HMBOX1: variants seen among roughly 807,000 people sequenced by gnomAD.
HMBOX1 encodes homeobox-containing protein 1.
A neutral mutation model predicts 54.5 loss-of-function variants in HMBOX1; 14 were observed. That is an observed-to-expected ratio of 0.26 (90% CI 0.17 to 0.40). The LOEUF is 0.40. Among genes scored for constraint, HMBOX1 ranks in the 10% least tolerant of loss-of-function variants. The probability of loss-of-function intolerance (pLI) is 1.00; values close to 1 mark genes in which losing one functional copy is unlikely to be tolerated. For synonymous variants in HMBOX1, 160 were observed against 181.0 expected (o/e 0.88, Z 0.93); for missense variants, 332 against 514.4 (o/e 0.65, Z 3.43).
intron 1 of HMBOX1, among the ~76,000 whole-genome samples, chr8:28,963,068 G>A (rs1248844562): frequency 6.6e-6 from 1 of 152,014 alleles, no homozygotes; most frequent in Non-Finnish European, 1.5e-5. Context: ...CACTGCAACC[G>A]CCGCCTCCCA....
chr8:28,982,986 G>A (rs930165116), intron 4 of HMBOX1, among the ~76,000 whole-genome samples: 1 of 152,148 alleles, frequency 6.6e-6, no homozygotes, highest in Non-Finnish European at 1.5e-5. Context: ...TTGATCTCCT[G>A]GGATTACAGG....
chr8:28,896,711 C>CA lies in HMBOX1; in HGVS notation c.-58+6033_-58+6034insA, dbSNP rs1812185387. Among the ~76,000 whole-genome samples the CA allele has an allele frequency of 1.6e-5, 2 of 123,834 alleles. 1 individual carries two copies. Among genetic ancestry groups the CA allele is most frequent in the Non-Finnish European group, 4.0e-5 (2 of 50,084 alleles). The allele number at this position is 123,834 out of a possible 152,430, so 81.2% of individuals were successfully genotyped here. A position where few individuals can be genotyped will look rare whatever the true frequency, so the allele number is the denominator to read the frequency against. Reference sequence around the variant, plus strand: ...CTACAATGTTTAATACAGTAACATGCTGTACAGGTTTGTAGCCTAGGAGCA... The same window carrying CA: ...CTACAATGTTTAATACAGTAACATGCATGTACAGGTTTGTAGCCTAGGAGCA... On this transcript the variant is annotated intron_variant, in intron 1 of 9. Coordinates refer to ENST00000287701, the MANE Select transcript of HMBOX1 (RefSeq NM_001135726.3).
At position 28,973,820 on chromosome 8, in the gene HMBOX1, T is replaced by TTTTTGTTTTTTG. The variant is rs1186803601; in HGVS notation, c.500+3305_500+3306insGTTTTTTGTTTT. ...ATAATGGAGTTTTTTTTTTTTTTTTTTTTTTTTTTTTTTTGAGACAGTCTC... is the reference window on the plus strand; with the variant it reads ...ATAATGGAGTTTTTTTTTTTTTTTTTTTTTGTTTTTTGTTTTTTTTTTTTTTGAGACAGTCTC... On this transcript the variant is annotated intron_variant, in intron 3 of 9. Transcript: ENST00000287701. Among the ~76,000 whole-genome samples, 21 of 132,994 alleles carry TTTTTGTTTTTTG rather than the reference T, an allele frequency of 1.6e-4. 1 individual carries two copies. Among genetic ancestry groups the TTTTTGTTTTTTG allele is most frequent in the African/African-American group, 6.0e-4 (20 of 33,184 alleles). The allele number at this position is 132,994 out of a possible 152,430, so 87.2% of individuals were successfully genotyped here.
intron 3 of HMBOX1, among the ~76,000 whole-genome samples, chr8:28,971,390 C>A (rs1827390692): frequency 6.6e-6 from 1 of 151,980 alleles, no homozygotes; most frequent in African/African-American, 2.4e-5. Context: ...TGCACCCAGC[C>A]GAAAAGAAAT....
At chr8:28,943,966 C>A (rs1331661647) in intron 1 of HMBOX1, among the ~76,000 whole-genome samples, 1 of 152,132 alleles carries the variant, frequency 6.6e-6, no homozygotes, top group Non-Finnish European at 1.5e-5. Context: ...TTGATCCAGC[C>A]CCATAAGCCA....
intron 4 of HMBOX1, among the ~76,000 whole-genome samples, chr8:29,004,590 C>A (rs1201369082): frequency 1.3e-5 from 2 of 152,154 alleles, no homozygotes; most frequent in African/African-American, 2.4e-5. Context: ...CTTTTTCTTC[C>A]TTTGAATACC....
intron 6 of HMBOX1, among the ~76,000 whole-genome samples, chr8:29,023,602 A>G (rs1181805179): frequency 6.6e-6 from 1 of 152,048 alleles, no homozygotes; most frequent in African/African-American, 2.4e-5. Context: ...GAGTTTTGCC[A>G]TGTTGCCTAG....
intron 6 of HMBOX1, among the ~76,000 whole-genome samples, chr8:29,019,407 A>G (rs908065620): frequency 6.6e-6 from 1 of 151,910 alleles, no homozygotes; most frequent in Non-Finnish European, 1.5e-5. Context: ...GTAGGCACTC[A>G]GTGGTTTTTT....
At chr8:28,908,529 C>T (rs1814772393) in intron 1 of HMBOX1, among the ~76,000 whole-genome samples, 1 of 152,132 alleles carries the variant, frequency 6.6e-6, no homozygotes, top group African/African-American at 2.4e-5. Context: ...CCAAGGCGGG[C>T]AGATCACCTG....
At chr8:28,932,754 G>A (rs1819676479) in intron 1 of HMBOX1, among the ~76,000 whole-genome samples, 1 of 152,148 alleles carries the variant, frequency 6.6e-6, no homozygotes, top group Non-Finnish European at 1.5e-5. Context: ...TGTTGATTTT[G>A]TCTGTGCTTC....
chr8:29,047,197 G>A (rs1353618704), intron 7 of HMBOX1, among the ~76,000 whole-genome samples, 161 bp from the exon 8 acceptor site: 5 of 152,124 alleles, frequency 3.3e-5, no homozygotes, highest in African/African-American at 1.2e-4. Flanking sequence ...TAATTGGGGT[G>A]TGTACATGGT....
chr8:29,013,644 T>C (rs1243503661), intron 5 of HMBOX1, among the ~76,000 whole-genome samples: 4 of 152,244 alleles, frequency 2.6e-5, no homozygotes, highest in African/African-American at 9.6e-5. Flanking sequence ...TGCCAAGGCA[T>C]ATTAATAAAA....
intron 1 of HMBOX1, among the ~76,000 whole-genome samples, chr8:28,931,702 C>T (rs565808165): frequency 2.2e-4 from 33 of 152,190 alleles, no homozygotes; most frequent in African/African-American, 7.9e-4. Flanking sequence ...CCACTGTGCC[C>T]AGCTTATTTT....
Position 29,045,342 on chromosome 8 carries a change from G to A in HMBOX1, c.852-19G>A, listed in dbSNP as rs759280512. 3.1e-6 allele frequency: 5 copies of A among 1,600,164 alleles called. No individual in the cohort carries two copies. In the African/African-American group the frequency reaches 6.7e-5, roughly 21 times the overall value. Reference sequence around the variant, plus strand: ...TTTGAAAAATAAAAACTTTGTGTCTGTATCGGTTGCCTCTGCAGTTACTTC... The same window carrying A: ...TTTGAAAAATAAAAACTTTGTGTCTATATCGGTTGCCTCTGCAGTTACTTC... On this transcript the variant is annotated intron_variant, in intron 6 of 9. Transcript: ENST00000287701.
intron 3 of HMBOX1, among the ~76,000 whole-genome samples, chr8:28,972,246 T>C (rs1450020460): frequency 6.6e-6 from 1 of 152,190 alleles, no homozygotes; most frequent in Non-Finnish European, 1.5e-5. Context: ...GGAGTCTTGC[T>C]CTGTCACCCA....
chr8:28,938,481 T>G (rs993289534), intron 1 of HMBOX1, among the ~76,000 whole-genome samples: 2 of 152,102 alleles, frequency 1.3e-5, no homozygotes, highest in African/African-American at 4.8e-5. Flanking sequence ...CTCATTAGCT[T>G]AGACTGGAAT....
Position 28,973,814 on chromosome 8 carries a change from T to TTTTTTTTTTTG in HMBOX1, c.500+3305_500+3306insGTTTTTTTTTT, listed in dbSNP as rs1563501843. On this transcript the variant is annotated intron_variant, in intron 3 of 9. Coordinates refer to ENST00000287701, the MANE Select transcript of HMBOX1 (RefSeq NM_001135726.3). ...AGATACATAATGGAGTTTTTTTTTT[T>TTTTTTTTTTTG]TTTTTTTTTTTTTTTTTTTTGAGAC... is the stretch of plus-strand genomic sequence containing the variant. 3.4e-4 allele frequency among the ~76,000 whole-genome samples: 7 copies of TTTTTTTTTTTG among 20,478 alleles called. 1 individual carries two copies. The highest frequency in any genetic ancestry group is 1.8e-3 in the Admixed American group (3 of 1,698). 13.4% of individuals were successfully genotyped at this position (20,478 alleles called of 152,430 possible).
At chr8:29,022,305 C>A (rs1458578655) in intron 6 of HMBOX1, among the ~76,000 whole-genome samples, 1 of 152,078 alleles carries the variant, frequency 6.6e-6, no homozygotes, top group Non-Finnish European at 1.5e-5. Flanking sequence ...GTAGTCCCAG[C>A]CACTCGGGAG....
chr8:28,971,577 C>T (rs886157369), intron 3 of HMBOX1, among the ~76,000 whole-genome samples: 5 of 151,992 alleles, frequency 3.3e-5, no homozygotes, highest in Non-Finnish European at 7.4e-5. Context: ...TAAAGAATAG[C>T]ATTTGTTTTA....
Sources: allele counts gnomAD v4.1 joint callset (sites outside exome capture counted in the v4.1 genomes callset), GRCh38; gene constraint gnomAD v4.1.1; transcripts MANE v1.5; gene names NCBI Gene and HGNC (gene_info 2026-07-23, HGNC 2026-07-21).